CDK19: variants seen among roughly 807,000 people sequenced by gnomAD.
The protein encoded by CDK19 is cyclin-dependent kinase 19.
A neutral mutation model predicts 68.3 loss-of-function variants in CDK19; 20 were observed. That is an observed-to-expected ratio of 0.29 (90% confidence interval 0.21 to 0.43). The LOEUF is 0.43. CDK19 is among the 20% of genes least tolerant of loss of function. CDK19 has a pLI of 1.00. For synonymous variants in CDK19, 221 were observed against 222.8 expected, an observed-to-expected ratio of 0.99 and a Z score of 0.07; for missense variants, 339 against 623.5, an observed-to-expected ratio of 0.54 and a Z score of 4.86.
chr6:110,679,917 C>G (rs546148150), intron 2 of CDK19, among the ~76,000 whole-genome samples: 15 of 152,176 alleles, frequency 9.9e-5, no homozygotes, highest in Non-Finnish European at 1.9e-4. Context: ...GTACCTAGCA[C>G]ATAATAAGCA....
intron 2 of CDK19, among the ~76,000 whole-genome samples, chr6:110,708,429 G>T (rs916016028): frequency 1.3e-5 from 2 of 152,152 alleles, no homozygotes; most frequent in East Asian, 3.8e-4. Flanking sequence ...TCCCCCTATA[G>T]CTCCACCTAG....
At chr6:110,635,792 C>T (rs111953423) in intron 5 of CDK19, among the ~76,000 whole-genome samples, 1 of 152,338 alleles carries the variant, frequency 6.6e-6, no homozygotes, top group Admixed American at 6.5e-5. Flanking sequence ...CCGCCTTGGC[C>T]TCCCAAAGTG....
chr6:110,709,679 A>C (rs1488536900), intron 2 of CDK19, among the ~76,000 whole-genome samples: 6 of 152,192 alleles, frequency 3.9e-5, no homozygotes, highest in Admixed American at 3.9e-4. Context: ...TTTTCCATTT[A>C]CATTTGCAAG....
chr6:110,660,135 A>G lies in CDK19; in HGVS notation c.456+7299T>C, dbSNP rs190191564. The stretch of plus-strand genomic sequence containing the variant: ...GCATGTGCCATCACAGCTAGCCCCA[A>G]ATATCATTTAAAACCTTCCTCAACT... On this transcript the variant is annotated intron_variant, in intron 4 of 12. Transcript: ENST00000368911. Among the ~76,000 whole-genome samples the G allele has an allele frequency of 1.2e-4, 18 of 152,282 alleles. No homozygotes were observed. In the East Asian group the frequency reaches 3.3e-3, roughly 28 times the overall value.
chr6:110,734,719 G>A (rs1239439811), intron 2 of CDK19, among the ~76,000 whole-genome samples: 1 of 152,020 alleles, frequency 6.6e-6, no homozygotes, highest in Non-Finnish European at 1.5e-5. Flanking sequence ...TGCTTCTCCA[G>A]CACACTGTGC....
intron 9 of CDK19, 78 bp from the exon 10 acceptor site, chr6:110,622,990 G>A: frequency 1.1e-6 from 1 of 888,432 alleles, no homozygotes; most frequent in Non-Finnish European, 1.9e-6. Flanking sequence ...GTATTACTGT[G>A]TAACAGGATT....
In CDK19 at chr6:110,610,386, G is replaced by C. The variant is rs1019485921; in HGVS notation, c.*4149C>G. 1 of 152,436 alleles carries C rather than the reference G, an allele frequency of 6.6e-6. No homozygotes were observed. The highest frequency in any genetic ancestry group is 2.4e-5 in the African/African-American group (1 of 41,386). The allele number at this position is 152,436 out of a possible 1,614,324, so 9.4% of individuals were successfully genotyped here. On this transcript the variant is annotated 3_prime_UTR_variant, in exon 13 of 13. Transcript: ENST00000368911. ...AAAGGACACCTTCAGTCCAGATTTT[G>C]TGTAATACTTTTAGTGTCTACACAG... is the stretch of plus-strand genomic sequence containing the variant.
intron 2 of CDK19, among the ~76,000 whole-genome samples, chr6:110,703,494 G>A (rs4305768): frequency 0.93 from 141,622 of 152,062 alleles, 66,808 homozygotes; most frequent in Middle Eastern, 1. Context: ...AAATTCAGAG[G>A]CAAAACTCTA....
At chr6:110,692,346 A>G (rs1438741761) in intron 2 of CDK19, among the ~76,000 whole-genome samples, 1 of 152,056 alleles carries the variant, frequency 6.6e-6, no homozygotes, top group Admixed American at 6.5e-5. Context: ...AATGTAATGT[A>G]GTAGAAAGTT....
At chr6:110,755,927 G>A (rs546330180) in intron 1 of CDK19, among the ~76,000 whole-genome samples, 1 of 152,112 alleles carries the variant, frequency 6.6e-6, no homozygotes, top group South Asian at 2.1e-4. Flanking sequence ...AGTCAGAATG[G>A]AGGGAATGGA....
chr6:110,792,040 A>C (rs935219307), intron 1 of CDK19, among the ~76,000 whole-genome samples: 48 of 150,196 alleles, frequency 3.2e-4, no homozygotes, highest in African/African-American at 1.2e-3. Context: ...GCATGATCTC[A>C]GCTCACTGCA....
intron 10 of CDK19, 86 bp from the exon 11 acceptor site, chr6:110,622,252 T>C (rs1402853613): frequency 4.1e-6 from 4 of 964,040 alleles, no homozygotes; most frequent in Non-Finnish European, 6.4e-6. Context: ...CAATTTGTTT[T>C]TCTTCACTTA....
chr6:110,695,672 G>A (rs777983787), intron 2 of CDK19, among the ~76,000 whole-genome samples: 3 of 151,978 alleles, frequency 2.0e-5, no homozygotes, highest in Admixed American at 6.6e-5. Flanking sequence ...TATTACAACC[G>A]ATACCACAGA....
At chr6:110,812,878 G>T (rs1444268025) in intron 1 of CDK19, among the ~76,000 whole-genome samples, 1 of 151,088 alleles carries the variant, frequency 6.6e-6, no homozygotes, top group Admixed American at 6.6e-5. Context: ...CAAATTGCTG[G>T]TATCAATGAA....
intron 1 of CDK19, among the ~76,000 whole-genome samples, chr6:110,770,973 C>T (rs984603859): frequency 2.0e-5 from 3 of 152,184 alleles, no homozygotes; most frequent in African/African-American, 4.8e-5. Flanking sequence ...GAAGTGGGTT[C>T]CCATGGTCTT....
rs1489334934 is a variant in CDK19 at position 110,814,755 on chromosome 6, G to A, written c.128+254C>T. On this transcript the variant is annotated intron_variant, in intron 1 of 12. Transcript: ENST00000368911. ...TCCCCCCGCCGTCTCCGAGCACTCG[G>A]AGGGCGCCCCTCTGGGACGGGACCG... The A allele has an allele frequency of 2.3e-5, 15 of 646,366 alleles. No individual in the cohort carries two copies. In the Admixed American group the frequency reaches 2.9e-4, roughly 13 times the overall value. 40.0% of individuals were successfully genotyped at this position (646,366 alleles called of 1,614,324 possible). A position where few individuals can be genotyped will look rare whatever the true frequency, so the allele number is the denominator to read the frequency against.
chr6:110,734,373 G>A (rs1052447106), intron 2 of CDK19, among the ~76,000 whole-genome samples: 24 of 152,096 alleles, frequency 1.6e-4, no homozygotes, highest in Non-Finnish European at 3.2e-4. Context: ...CCTAGTTGCA[G>A]CAGTTAAATA....
At chr6:110,642,684 T>C (rs1030027177) in intron 4 of CDK19, among the ~76,000 whole-genome samples, 3 of 152,080 alleles carry the variant, frequency 2.0e-5, no homozygotes, top group Non-Finnish European at 2.9e-5. Context: ...CCAGGCACGG[T>C]GGTCCACACC....
intron 12 of CDK19, among the ~76,000 whole-genome samples, chr6:110,617,646 A>AT: frequency 1.1e-5 from 1 of 93,510 alleles, no homozygotes; most frequent in African/African-American, 5.5e-5. Context: ...TAATAATAAA[A>AT]TTATTTATAT....
Sources: allele counts gnomAD v4.1 joint callset (sites outside exome capture counted in the v4.1 genomes callset), GRCh38; gene constraint gnomAD v4.1.1; transcripts MANE v1.5; gene names NCBI Gene and HGNC (gene_info 2026-07-23, HGNC 2026-07-21).